PIK3C2G: variants seen among roughly 807,000 people sequenced by gnomAD.
The protein encoded by PIK3C2G is phosphatidylinositol 3-kinase C2 domain-containing subunit gamma.
A neutral mutation model predicts 181.1 loss-of-function variants in PIK3C2G; 168 were observed. The observed-to-expected ratio is 0.93, with a 90% confidence interval of 0.82 to 1.05. The LOEUF (loss-of-function observed/expected upper bound fraction) is 1.05. PIK3C2G is among the 50% of genes least tolerant of loss of function. The probability of loss-of-function intolerance (pLI) is 0.00; values close to 1 mark genes in which losing one functional copy is unlikely to be tolerated. For synonymous variants in PIK3C2G, 573 were observed against 592.2 expected, an observed-to-expected ratio of 0.97 and a Z score of 0.47; for missense variants, 1,869 against 1,732.8, an observed-to-expected ratio of 1.08 and a Z score of -1.40.
At chr12:18,434,346 A>G (rs1390632447) in intron 18 of PIK3C2G, among the ~76,000 whole-genome samples, 1 of 152,168 alleles carries the variant, frequency 6.6e-6, no homozygotes, top group Non-Finnish European at 1.5e-5. Flanking sequence ...TTTTAAAGGG[A>G]ACACATTGAA....
chr12:18,710,609 G>T, the PIK3C2G span, among the ~76,000 whole-genome samples: 2 of 152,116 alleles, frequency 1.3e-5, no homozygotes, highest in African/African-American at 4.8e-5. Flanking sequence ...AATAAGAAAA[G>T]AAGCAAGAAT....
At chr12:18,713,711 C>T in the PIK3C2G span, 1 of 152,130 alleles carries the variant, frequency 6.6e-6, no homozygotes, top group Admixed American at 6.5e-5. Context: ...CATAATTTCA[C>T]TAGGAGAAAC....
chr12:18,295,069 T>C (rs1222912557), intron 5 of PIK3C2G, among the ~76,000 whole-genome samples: 1 of 149,996 alleles, frequency 6.7e-6, no homozygotes, highest in Admixed American at 6.7e-5. Flanking sequence ...TAACAAAATA[T>C]ATTGTATTAA....
intron 18 of PIK3C2G, among the ~76,000 whole-genome samples, chr12:18,487,679 C>T (rs1940185528): frequency 6.6e-6 from 1 of 152,058 alleles, no homozygotes; most frequent in Non-Finnish European, 1.5e-5. Context: ...GTGATTTATG[C>T]TTCCCATGTT....
At chr12:18,319,642 C>G (rs1951019703) in intron 6 of PIK3C2G, among the ~76,000 whole-genome samples, 1 of 152,122 alleles carries the variant, frequency 6.6e-6, no homozygotes, top group Admixed American at 6.5e-5. Context: ...GATTATGCTT[C>G]ATAGAAAGAT....
intron 30 of PIK3C2G, among the ~76,000 whole-genome samples, chr12:18,600,038 A>G (rs1207811893): frequency 6.6e-6 from 1 of 152,022 alleles, no homozygotes; most frequent in Non-Finnish European, 1.5e-5. Context: ...ACCAAATGGA[A>G]AAACCTAAGT....
chr12:18,491,840 T>A (rs1940601356), intron 20 of PIK3C2G, among the ~76,000 whole-genome samples: 1 of 151,960 alleles, frequency 6.6e-6, no homozygotes, highest in Non-Finnish European at 1.5e-5. Flanking sequence ...TATCGCTGGG[T>A]TAATTTCTTG....
intron 14 of PIK3C2G, among the ~76,000 whole-genome samples, chr12:18,390,307 C>G (rs887067255): frequency 1.3e-5 from 2 of 152,024 alleles, no homozygotes; most frequent in African/African-American, 4.8e-5. Context: ...TAACATAACT[C>G]AGCAGAGAAA....
intron 18 of PIK3C2G, among the ~76,000 whole-genome samples, chr12:18,425,983 C>A (rs1372716667): frequency 6.6e-6 from 1 of 152,088 alleles, no homozygotes; most frequent in Non-Finnish European, 1.5e-5. Flanking sequence ...CACAATATAT[C>A]CTTGGATTTA....
chr12:18,450,967 T>C lies in PIK3C2G; in HGVS notation c.2504+26928T>C, dbSNP rs562586939. ...GTTTTGATACCAGTACCATGCTCTT[T>C]TGGTTACTGTAGCCTTGTAGTATAG... On this transcript the variant is annotated intron_variant, in intron 18 of 32. Coordinates refer to ENST00000538779, the MANE Select transcript of PIK3C2G (RefSeq NM_001288772.2). Among the ~76,000 whole-genome samples the C allele has an allele frequency of 1.4e-3, 220 of 152,316 alleles. 1 individual carries two copies. Among genetic ancestry groups the C allele is most frequent in the African/African-American group, 5.1e-3 (210 of 41,568 alleles).
Position 18,462,721 on chromosome 12 carries a change from T to A in PIK3C2G, c.2505-25728T>A, listed in dbSNP as rs533611725. ...GTTTTAAATGTGGACTCGCTGGTTT[T>A]ATTCCAAGTAATGTCAGTTTTTTGG... On this transcript the variant is annotated intron_variant, in intron 18 of 32. Transcript: ENST00000538779. Among the ~76,000 whole-genome samples the A allele has an allele frequency of 2.5e-4, 38 of 152,306 alleles. No homozygotes were observed. In the Middle Eastern group the frequency reaches 0.014, roughly 55 times the overall value.
intron 18 of PIK3C2G, among the ~76,000 whole-genome samples, chr12:18,439,742 G>T (rs1356507502): frequency 6.6e-6 from 1 of 151,922 alleles, no homozygotes; most frequent in Non-Finnish European, 1.5e-5. Flanking sequence ...TACTCTGTCT[G>T]CCTCATTCAA....
At chr12:18,329,519 A>G (rs1937693652) in intron 8 of PIK3C2G, among the ~76,000 whole-genome samples, 1 of 151,986 alleles carries the variant, frequency 6.6e-6, no homozygotes, top group African/African-American at 2.4e-5. Flanking sequence ...CATGAATGGA[A>G]TCAAACTATA....
chr12:18,605,513 C>T (rs1456019917), intron 30 of PIK3C2G, among the ~76,000 whole-genome samples: 1 of 152,010 alleles, frequency 6.6e-6, no homozygotes, highest in Non-Finnish European at 1.5e-5. Flanking sequence ...AAAGAAGGAC[C>T]TCTCCCTAAT....
chr12:18,274,656 G>T (rs1234153744), intron 1 of PIK3C2G, among the ~76,000 whole-genome samples: 2 of 152,110 alleles, frequency 1.3e-5, no homozygotes, highest in African/African-American at 2.4e-5. Flanking sequence ...ACTGTTGTGG[G>T]GTGGGGGCAG....
At chr12:18,711,689 C>A in the PIK3C2G span, among the ~76,000 whole-genome samples, 1 of 151,752 alleles carries the variant, frequency 6.6e-6, no homozygotes. Context: ...TGGGGAAGAT[C>A]GTGGCGAGAG....
At chr12:18,581,246 T>G (rs1040044087) in intron 29 of PIK3C2G, among the ~76,000 whole-genome samples, 2 of 152,224 alleles carry the variant, frequency 1.3e-5, no homozygotes, top group African/African-American at 4.8e-5. Context: ...TCTTTATTGA[T>G]TGCACTGTTA....
At chr12:18,254,891 T>A (rs949321718) in intron 1 of PIK3C2G, among the ~76,000 whole-genome samples, 1 of 151,570 alleles carries the variant, frequency 6.6e-6, no homozygotes, top group Non-Finnish European at 1.5e-5. Flanking sequence ...ATTTAAAAAA[T>A]TTAAATTTTC....
chr12:18,247,347 T>C (rs1948050732), upstream of PIK3C2G, among the ~76,000 whole-genome samples: 1 of 152,302 alleles, frequency 6.6e-6, no homozygotes, highest in East Asian at 1.9e-4. Flanking sequence ...ACAGCTACGT[T>C]ATCTGGGGTA....
Sources: gnomAD v4.1 joint callset for allele counts (sites outside exome capture counted in the v4.1 genomes callset) on GRCh38, gnomAD v4.1.1 for gene constraint, MANE v1.5 for transcripts, NCBI Gene and HGNC (gene_info 2026-07-23, HGNC 2026-07-21) for gene names.